The following LDLRAD4 variants were observed in gnomAD, a reference collection of about 807,000 sequenced individuals.
LDLRAD4 encodes the protein low density lipoprotein receptor class A domain containing 4, also known as low-density lipoprotein receptor class A domain-containing protein 4.
A neutral mutation model predicts 17.0 loss-of-function variants in LDLRAD4; 5 were observed. The observed-to-expected ratio is 0.29, with a 90% CI of 0.15 to 0.62. The LOEUF (loss-of-function observed/expected upper bound fraction) is 0.62. Ranked by LOEUF, LDLRAD4 falls within the 20% of genes least tolerant of loss-of-function variation. LDLRAD4 has a pLI of 0.84. For missense variants in LDLRAD4, 340 were observed against 424.7 expected, an observed-to-expected ratio of 0.80 and a Z score of 1.75; for synonymous variants, 168 against 171.8, an observed-to-expected ratio of 0.98 and a Z score of 0.17.
upstream of LDLRAD4, among the ~76,000 whole-genome samples, chr18:13,273,649 T>G (rs1249090380): frequency 6.6e-6 from 1 of 152,168 alleles, no homozygotes; most frequent in African/African-American, 2.4e-5. Flanking sequence ...GAGTGAGTCC[T>G]GCTCCCCAGA....
At chr18:13,424,808 CT>C (rs1417535497) in intron 2 of LDLRAD4, among the ~76,000 whole-genome samples, 1 of 152,182 alleles carries the variant, frequency 6.6e-6, no homozygotes, top group East Asian at 1.9e-4. Context: ...CATGGTATGC[CT>C]GAGAGGCATT....
chr18:13,224,933 C>T (rs1026009060), intron 1 of LDLRAD4, among the ~76,000 whole-genome samples: 3 of 151,404 alleles, frequency 2.0e-5, no homozygotes, highest in Non-Finnish European at 2.9e-5. Context: ...CAGGTTCAAG[C>T]GATTCTTGTA....
intron 3 of LDLRAD4, among the ~76,000 whole-genome samples, chr18:13,559,112 A>G (rs2148182640): frequency 6.6e-6 from 1 of 152,372 alleles, no homozygotes; most frequent in African/African-American, 2.4e-5. Flanking sequence ...ATCACCACTG[A>G]TCTTTGGTAT....
At chr18:13,486,502 G>C (rs891474301) in intron 3 of LDLRAD4, 13 of 152,306 alleles carry the variant, frequency 8.5e-5, no homozygotes, top group African/African-American at 3.1e-4. Flanking sequence ...ACCAGGGCCT[G>C]CTCCACCAGG....
intron 4 of LDLRAD4, among the ~76,000 whole-genome samples, chr18:13,629,977 T>G (rs2041519597): frequency 6.6e-6 from 1 of 152,154 alleles, no homozygotes; most frequent in Non-Finnish European, 1.5e-5. Context: ...GGTGCTGAAA[T>G]CAGGATGATG....
chr18:13,393,912 C>T (rs970749740), intron 2 of LDLRAD4, among the ~76,000 whole-genome samples: 2 of 152,210 alleles, frequency 1.3e-5, no homozygotes, highest in African/African-American at 4.8e-5. Context: ...CCTGCAGAGT[C>T]TCTCTTTCCA....
chr18:13,274,951 T>G (rs937634273), upstream of LDLRAD4, among the ~76,000 whole-genome samples: 6 of 151,776 alleles, frequency 4.0e-5, no homozygotes, highest in Non-Finnish European at 8.8e-5. Context: ...ATCATTTGAG[T>G]CCAGGAGTTT....
chr18:13,494,290 C>T (rs2093416416), intron 3 of LDLRAD4, among the ~76,000 whole-genome samples: 1 of 151,734 alleles, frequency 6.6e-6, no homozygotes, highest in African/African-American at 2.4e-5. Context: ...CTTCAAGGGA[C>T]ATCAGTTAAG....
At chr18:13,585,990 G>A (rs183229761) in intron 3 of LDLRAD4, among the ~76,000 whole-genome samples, 110 of 152,214 alleles carry the variant, frequency 7.2e-4, no homozygotes, top group Non-Finnish European at 1.3e-3. Context: ...AAAATATTTC[G>A]TGATGCACAA....
chr18:13,299,812 C>A (rs375442680), intron 1 of LDLRAD4, among the ~76,000 whole-genome samples: 1 of 152,258 alleles, frequency 6.6e-6, no homozygotes, highest in African/African-American at 2.4e-5. Flanking sequence ...ACTTACCCTC[C>A]AGCCTGGGCG....
At chr18:13,431,545 G>A (rs972387713) in intron 2 of LDLRAD4, among the ~76,000 whole-genome samples, 5 of 152,198 alleles carry the variant, frequency 3.3e-5, no homozygotes, top group African/African-American at 7.2e-5. Flanking sequence ...CTGTAAGTCC[G>A]AAGCCTGAGA....
At chr18:13,565,678 C>T (rs571675427) in intron 3 of LDLRAD4, among the ~76,000 whole-genome samples, 8 of 152,302 alleles carry the variant, frequency 5.3e-5, no homozygotes, top group South Asian at 4.1e-4. Flanking sequence ...TGGCTCATGC[C>T]GTGAGCATAA....
Position 13,345,150 on chromosome 18 carries a change from C to G in LDLRAD4, c.-382-42191C>G, listed in dbSNP as rs866184391. Reference sequence around the variant, plus strand: ...AGGAGTGGTGAGAGAGGGTATCCCTCTCTTGTGCCAGTTTTCGAAGGGAAT... The same window carrying G: ...AGGAGTGGTGAGAGAGGGTATCCCTGTCTTGTGCCAGTTTTCGAAGGGAAT... On this transcript the variant is annotated intron_variant, in intron 1 of 5. Transcript: ENST00000359446. Among the ~76,000 whole-genome samples the G allele has an allele frequency of 6.0e-4, 92 of 152,234 alleles. 1 individual carries two copies. The highest frequency in any genetic ancestry group is 3.4e-3 in the Middle Eastern group (1 of 294).
At chr18:13,375,516 AG>A (rs1399434491) in intron 1 of LDLRAD4, among the ~76,000 whole-genome samples, 1 of 152,154 alleles carries the variant, frequency 6.6e-6, no homozygotes, top group African/African-American at 2.4e-5. Context: ...GCTGGAAATG[AG>A]GGCCTGCTGG....
chr18:13,412,757 C>G (rs1250630271), intron 2 of LDLRAD4, among the ~76,000 whole-genome samples: 3 of 152,158 alleles, frequency 2.0e-5, no homozygotes, highest in African/African-American at 7.2e-5. Flanking sequence ...TTTGAAGCCC[C>G]AGTGTCTTAG....
intron 1 of LDLRAD4, among the ~76,000 whole-genome samples, chr18:13,377,280 G>A (rs1052081494): frequency 6.6e-6 from 1 of 152,170 alleles, no homozygotes; most frequent in Non-Finnish European, 1.5e-5. Context: ...TTGGATTTCT[G>A]TGGCCAGATT....
chr18:13,311,336 C>T lies in LDLRAD4; in HGVS notation c.-383+33148C>T, dbSNP rs549600507. ...CTCAGGCCTCCTGGCACCTGCCTACCGATCCACCCTCATGTGAAAGAGTCT... is the reference window on the plus strand; with the variant it reads ...CTCAGGCCTCCTGGCACCTGCCTACTGATCCACCCTCATGTGAAAGAGTCT... On this transcript the variant is annotated intron_variant, in intron 1 of 5. Coordinates refer to ENST00000359446, the Ensembl canonical transcript of LDLRAD4. 1.2e-4 allele frequency among the ~76,000 whole-genome samples: 18 copies of T among 152,306 alleles called. No individual in the cohort carries two copies. The East Asian group carries it at 2.1e-3, about 18-fold the overall frequency.
chr18:13,502,298 G>T (rs976201499), intron 3 of LDLRAD4, among the ~76,000 whole-genome samples: 1 of 152,190 alleles, frequency 6.6e-6, no homozygotes, highest in Non-Finnish European at 1.5e-5. Context: ...CCTCTGTGCT[G>T]GTCCTGACCG....
At chr18:13,381,402 C>T (rs992269858) in intron 1 of LDLRAD4, among the ~76,000 whole-genome samples, 2 of 152,132 alleles carry the variant, frequency 1.3e-5, no homozygotes, top group African/African-American at 4.8e-5. Context: ...TGCCCTCTCT[C>T]TCGGCCAGAG....
Sources: gnomAD v4.1 joint callset for allele counts (sites outside exome capture counted in the v4.1 genomes callset) on GRCh38, gnomAD v4.1.1 for gene constraint, MANE v1.5 for transcripts, NCBI Gene and HGNC (gene_info 2026-07-23, HGNC 2026-07-21) for gene names.